The following TMEM132D variants were observed in gnomAD, a reference collection of about 807,000 sequenced individuals.
TMEM132D encodes mature OL transmembrane protein.
A neutral mutation model predicts 62.3 loss-of-function variants in TMEM132D; 21 were observed. The ratio of observed to expected loss-of-function variants is 0.34; its 90% CI spans 0.24 to 0.49. The LOEUF is 0.49. Among genes scored for constraint, TMEM132D ranks in the 20% least tolerant of loss-of-function variants. The pLI is 0.99. For synonymous variants in TMEM132D, 621 were observed against 575.6 expected (o/e 1.08, Z -1.13); for missense variants, 1,346 against 1,402.8 (o/e 0.96, Z 0.65).
At chr12:129,774,669 T>C (rs1429605748) in intron 1 of TMEM132D, among the ~76,000 whole-genome samples, 2 of 152,180 alleles carry the variant, frequency 1.3e-5, no homozygotes, top group African/African-American at 4.8e-5. Flanking sequence ...TGATGGAATG[T>C]GATGTGAACA....
intron 3 of TMEM132D, among the ~76,000 whole-genome samples, chr12:129,406,886 G>C (rs915853602): frequency 5.9e-5 from 9 of 152,208 alleles, no homozygotes; most frequent in African/African-American, 2.2e-4. Flanking sequence ...GAAAGATTTT[G>C]TCTGCAGCCT....
At chr12:129,236,521 A>G (rs1014405549) in intron 4 of TMEM132D, among the ~76,000 whole-genome samples, 4 of 148,294 alleles carry the variant, frequency 2.7e-5, no homozygotes, top group African/African-American at 5.2e-5. Flanking sequence ...TCTCAAAAAA[A>G]AAAAAAAAAA....
rs1481363430 is a variant in TMEM132D, at chr12:129,087,872, C to CGGGTGTCCTCCCTGACCG, written c.1444-3188_1444-3171dup. Among the ~76,000 whole-genome samples the CGGGTGTCCTCCCTGACCG allele has an allele frequency of 3.9e-4, 52 of 132,098 alleles. 4 individuals carry two copies. The South Asian group carries it at 5.2e-3, about 13-fold the overall frequency. The allele number at this position is 132,098 out of a possible 152,430, so 86.7% of individuals were successfully genotyped here. On this transcript the variant is annotated intron_variant, in intron 5 of 8. Transcript: ENST00000422113. ...AGAGCCCCGGGGTGTCCTCCATGAC[C>CGGGTGTCCTCCCTGACCG]GGGTGTCCTCCCTGACCGGGGTGTC... is the stretch of plus-strand genomic sequence containing the variant.
chr12:129,079,859 G>A (rs546441452), intron 7 of TMEM132D, among the ~76,000 whole-genome samples: 12 of 152,054 alleles, frequency 7.9e-5, no homozygotes, highest in Admixed American at 2.0e-4. Context: ...ACCAAGGCTC[G>A]CAGGAGTAGA....
intron 2 of TMEM132D, among the ~76,000 whole-genome samples, chr12:129,613,534 G>GACA (rs1878833399): frequency 6.6e-6 from 1 of 152,182 alleles, no homozygotes; most frequent in African/African-American, 2.4e-5. Flanking sequence ...TCACATCGCT[G>GACA]CTTGACAGAA....
chr12:129,295,237 A>ACTACGGAACACTGCTGGCTAGACG (rs1566024538), intron 4 of TMEM132D, among the ~76,000 whole-genome samples: 3 of 151,038 alleles, frequency 2.0e-5, no homozygotes, highest in East Asian at 1.9e-4. Flanking sequence ...CTGGCTAGAC[A>ACTACGGAACACTGCTGGCTAGACG]CTACGGAACA....
intron 3 of TMEM132D, among the ~76,000 whole-genome samples, chr12:129,354,205 C>T (rs1019045386): frequency 2.0e-5 from 3 of 151,972 alleles, no homozygotes; most frequent in Admixed American, 6.6e-5. Flanking sequence ...CCCTCCTCAG[C>T]AGACCTCAAG....
chr12:129,572,643 T>C (rs1413438452), intron 2 of TMEM132D, among the ~76,000 whole-genome samples: 1 of 152,102 alleles, frequency 6.6e-6, no homozygotes, highest in Non-Finnish European at 1.5e-5. Context: ...GAGATGGGGT[T>C]TCTCCATGTT....
intron 3 of TMEM132D, among the ~76,000 whole-genome samples, chr12:129,517,967 T>C (rs1462741560): frequency 6.6e-6 from 1 of 152,192 alleles, no homozygotes; most frequent in Non-Finnish European, 1.5e-5. Flanking sequence ...TATTGTACAA[T>C]AGAATGGATT....
chr12:129,468,025 G>A (rs1040424195), intron 3 of TMEM132D, among the ~76,000 whole-genome samples: 1 of 152,130 alleles, frequency 6.6e-6, no homozygotes, highest in Non-Finnish European at 1.5e-5. Context: ...CGTGACACTT[G>A]GATTCAGGAA....
intron 4 of TMEM132D, among the ~76,000 whole-genome samples, chr12:129,270,325 T>A (rs776709564): frequency 6.6e-6 from 1 of 152,206 alleles, no homozygotes; most frequent in Non-Finnish European, 1.5e-5. Context: ...ATAGAAACCC[T>A]GTAGAACACA....
At chr12:129,267,436 T>G (rs1013821850) in intron 4 of TMEM132D, among the ~76,000 whole-genome samples, 2 of 152,186 alleles carry the variant, frequency 1.3e-5, no homozygotes, top group Non-Finnish European at 2.9e-5. Context: ...CATTCACAAT[T>G]GCTTCAAAGA....
intron 1 of TMEM132D, among the ~76,000 whole-genome samples, chr12:129,736,725 TAAGAG>T (rs1330286742): frequency 6.6e-6 from 1 of 152,018 alleles, no homozygotes; most frequent in East Asian, 1.9e-4. Flanking sequence ...TTGTACTTCT[TAAGAG>T]AGAAAGACAA....
intron 4 of TMEM132D, among the ~76,000 whole-genome samples, chr12:129,268,407 T>C (rs867842460): frequency 1.6e-4 from 24 of 152,186 alleles, no homozygotes; most frequent in Non-Finnish European, 3.2e-4. Flanking sequence ...AAGAAGACAT[T>C]TATGCAGCCA....
At chr12:129,329,438 C>G (rs755687226) in intron 4 of TMEM132D, among the ~76,000 whole-genome samples, 3 of 152,124 alleles carry the variant, frequency 2.0e-5, no homozygotes, top group Non-Finnish European at 4.4e-5. Context: ...AACAGGCTCT[C>G]ACAAGAAAAG....
chr12:129,423,099 C>A (rs1872377653), intron 3 of TMEM132D, among the ~76,000 whole-genome samples: 3 of 151,460 alleles, frequency 2.0e-5, no homozygotes, highest in Admixed American at 2.0e-4. Flanking sequence ...ATAGATATTT[C>A]TATATATTTA....
intron 4 of TMEM132D, among the ~76,000 whole-genome samples, chr12:129,287,637 A>G (rs1366217316): frequency 6.6e-6 from 1 of 152,168 alleles, no homozygotes; most frequent in African/African-American, 2.4e-5. Flanking sequence ...CCTGAACCAA[A>G]TGCTCCAAGT....
chr12:129,891,339 A>AC (rs1482298305), intron 1 of TMEM132D, among the ~76,000 whole-genome samples: 1 of 152,156 alleles, frequency 6.6e-6, no homozygotes, highest in Non-Finnish European at 1.5e-5. Flanking sequence ...GGGGCAAAGG[A>AC]CCACACTTTG....
At chr12:129,390,974 G>A (rs1033874185) in intron 3 of TMEM132D, among the ~76,000 whole-genome samples, 1 of 152,150 alleles carries the variant, frequency 6.6e-6, no homozygotes, top group African/African-American at 2.4e-5. Context: ...GATTTAAAAT[G>A]CACTAGTACT....
Sources: allele counts gnomAD v4.1 joint callset (sites outside exome capture counted in the v4.1 genomes callset), GRCh38; gene constraint gnomAD v4.1.1; transcripts MANE v1.5; gene names NCBI Gene and HGNC (gene_info 2026-07-23, HGNC 2026-07-21).